GRM3: variants seen among roughly 807,000 people sequenced by gnomAD.
GRM3 encodes glutamate metabotropic receptor 3.
A neutral mutation model predicts 70.5 loss-of-function variants in GRM3; 26 were observed. The observed-to-expected ratio is 0.37, with a 90% confidence interval of 0.27 to 0.51. The LOEUF (loss-of-function observed/expected upper bound fraction) is 0.51. GRM3 is among the 20% of genes least tolerant of loss of function. The pLI is 0.93. For missense variants in GRM3, 859 were observed against 1,123.8 expected (o/e 0.76, Z 3.37); for synonymous variants, 443 against 434.9 (o/e 1.02, Z -0.23).
chr7:86,670,087 CT>C (rs1452771304), intron 1 of GRM3, among the ~76,000 whole-genome samples: 1 of 152,148 alleles, frequency 6.6e-6, no homozygotes, highest in Non-Finnish European at 1.5e-5. Context: ...ACTGTGTCAT[CT>C]TTTCCTAATT....
chr7:86,863,005 T>C (rs1798988851), intron 5 of GRM3, among the ~76,000 whole-genome samples: 1 of 152,146 alleles, frequency 6.6e-6, no homozygotes, highest in African/African-American at 2.4e-5. Context: ...TGGGCTGTGA[T>C]CAAGTACCCC....
intron 1 of GRM3, among the ~76,000 whole-genome samples, chr7:86,734,076 A>G (rs1795800713): frequency 6.6e-6 from 1 of 152,198 alleles, no homozygotes; most frequent in Non-Finnish European, 1.5e-5. Context: ...TTTATTTAGG[A>G]AAGTAGCCAA....
At chr7:86,741,068 T>C (rs970351338) in intron 1 of GRM3, among the ~76,000 whole-genome samples, 2 of 152,138 alleles carry the variant, frequency 1.3e-5, no homozygotes, top group Admixed American at 1.3e-4. Context: ...ATCTAAAATG[T>C]TTTCCTGGAC....
At chr7:86,862,439 C>T (rs967182249) in intron 5 of GRM3, among the ~76,000 whole-genome samples, 5 of 152,262 alleles carry the variant, frequency 3.3e-5, no homozygotes, top group African/African-American at 9.6e-5. Context: ...TGACCACTTT[C>T]CATCAAGTAT....
chr7:86,858,202 C>T (rs1357807868), intron 5 of GRM3, among the ~76,000 whole-genome samples: 1 of 152,022 alleles, frequency 6.6e-6, no homozygotes, highest in Non-Finnish European at 1.5e-5. Context: ...ATGATCCACC[C>T]ACCTCATCCT....
At chr7:86,801,302 C>A (rs1038262337) in intron 3 of GRM3, among the ~76,000 whole-genome samples, 2 of 152,076 alleles carry the variant, frequency 1.3e-5, no homozygotes, top group Admixed American at 1.3e-4. Context: ...AACTCCTGAC[C>A]TCATGATCTG....
At chr7:86,689,616 T>A (rs992660087) in intron 1 of GRM3, among the ~76,000 whole-genome samples, 4 of 152,086 alleles carry the variant, frequency 2.6e-5, no homozygotes, top group African/African-American at 9.7e-5. Flanking sequence ...TTGGGACAGA[T>A]GTACTAAAAT....
intron 1 of GRM3, among the ~76,000 whole-genome samples, chr7:86,758,829 G>A (rs767477593): frequency 1.3e-5 from 2 of 151,890 alleles, no homozygotes; most frequent in East Asian, 1.9e-4. Flanking sequence ...TAGTGAAGTC[G>A]GCCTTTCTTC....
chr7:86,830,970 G>A (rs1228622329), intron 3 of GRM3, among the ~76,000 whole-genome samples: 2 of 152,160 alleles, frequency 1.3e-5, no homozygotes, highest in Non-Finnish European at 2.9e-5. Context: ...AAGGAACACC[G>A]AAGATTGCCG....
chr7:86,764,022 G>C (rs762636343), intron 1 of GRM3, among the ~76,000 whole-genome samples: 7 of 152,168 alleles, frequency 4.6e-5, no homozygotes, highest in Non-Finnish European at 8.8e-5. Context: ...ATGGTAGCAG[G>C]GGGTGAAGTG....
intron 3 of GRM3, among the ~76,000 whole-genome samples, chr7:86,819,197 T>G (rs146608638): frequency 1.4e-3 from 206 of 152,180 alleles, no homozygotes; most frequent in African/African-American, 1.9e-3. Context: ...AAGAAAGAAA[T>G]AACCAACATT....
In GRM3 at chr7:86,839,294, G is replaced by T. The variant is rs748815283; in HGVS notation, c.1780G>T (p.Val594Phe). 13 of 1,613,664 alleles carry T rather than the reference G, an allele frequency of 8.1e-6. No homozygotes were observed. Among genetic ancestry groups the T allele is most frequent in the Non-Finnish European group, 1.0e-5 (12 of 1,179,614 alleles). ...TCTGGGTTTTATGTGTACATGCATG[G>T]TTGTAACTGTTTTTATCAAGCACAA... ...ACLGFMCTCM[V>F]VTVFIKHNNT... The change falls in exon 4 of 6, where the codon GTT becomes TTT. Residue 594 changes from valine (V) to phenylalanine (F), a missense_variant. Transcript: ENST00000361669. This position sits in a 1 kb window ranked among gnomAD's most constrained non-coding sequence, Gnocchi z 4.5.
chr7:86,824,843 T>C (rs1798199610), intron 3 of GRM3, among the ~76,000 whole-genome samples: 1 of 152,104 alleles, frequency 6.6e-6, no homozygotes. Flanking sequence ...GATAGATAGA[T>C]ACACCCATAA....
intron 1 of GRM3, among the ~76,000 whole-genome samples, chr7:86,677,559 AT>A (rs1794337281): frequency 6.6e-6 from 1 of 152,046 alleles, no homozygotes; most frequent in African/African-American, 2.4e-5. Flanking sequence ...GAAAAGTAAC[AT>A]TTACCTGAAA....
intron 1 of GRM3, among the ~76,000 whole-genome samples, chr7:86,735,125 G>A (rs1460908572): frequency 6.6e-6 from 1 of 152,120 alleles, no homozygotes; most frequent in Non-Finnish European, 1.5e-5. Context: ...TGCCTTTGAA[G>A]AGATTGTCTT....
At chr7:86,767,120 G>T (rs1416913061) in intron 2 of GRM3, among the ~76,000 whole-genome samples, 1 of 151,920 alleles carries the variant, frequency 6.6e-6, no homozygotes, top group African/African-American at 2.4e-5. Flanking sequence ...GCTGAGGCAG[G>T]AGAATCACTT....
At chr7:86,672,552 C>T (rs761959778) in intron 1 of GRM3, among the ~76,000 whole-genome samples, 12 of 152,010 alleles carry the variant, frequency 7.9e-5, no homozygotes, top group East Asian at 3.9e-4. Context: ...CCTCCAGATA[C>T]GACCTCATCT....
intron 5 of GRM3, among the ~76,000 whole-genome samples, chr7:86,851,548 C>A (rs1798755042): frequency 6.6e-6 from 1 of 152,094 alleles, no homozygotes; most frequent in African/African-American, 2.4e-5. Flanking sequence ...GACTGCTTCA[C>A]AATTTTGCCT....
rs1797249624 is a variant in GRM3 at position 86,786,498 on chromosome 7, C to T, written c.706C>T (p.Leu236=). ...GIEAFEQEAR[L]RNICIATAEK... Reference sequence around the variant, plus strand: ...CGAGGCCTTCGAGCAGGAAGCCCGCCTGCGCAACATCTGCATCGCTACGGC... The same window carrying T: ...CGAGGCCTTCGAGCAGGAAGCCCGCTTGCGCAACATCTGCATCGCTACGGC... The change falls in exon 3 of 6, where the codon CTG becomes TTG. Residue 236 remains leucine, a synonymous_variant. Transcript: ENST00000361669. This position sits in a 1 kb window ranked among gnomAD's most constrained non-coding sequence, Gnocchi z 6.0. 1.9e-6 allele frequency: 3 copies of T among 1,614,120 alleles called. No homozygotes were observed. The African/African-American group carries it at 4.0e-5, about 22-fold the overall frequency.
Sources: gnomAD v4.1 joint callset for allele counts (sites outside exome capture counted in the v4.1 genomes callset) on GRCh38, gnomAD v4.1.1 for gene constraint, Gnocchi (gnomAD v3.1) non-coding constraint, MANE v1.5 for transcripts, NCBI Gene and HGNC (gene_info 2026-07-23, HGNC 2026-07-21) for gene names.